KIF27: variants seen among roughly 807,000 people sequenced by gnomAD.
KIF27 encodes kinesin-like protein KIF27.
In KIF27, 84 loss-of-function variants were observed where a neutral mutation model predicts 141.8. The ratio of observed to expected loss-of-function variants is 0.59; its 90% confidence interval spans 0.50 to 0.71. KIF27 has a LOEUF of 0.71. Ranked by LOEUF, KIF27 falls within the 30% of genes least tolerant of loss-of-function variation. The pLI, the probability that KIF27 is intolerant of heterozygous loss-of-function variation, is 0.00. For synonymous variants in KIF27, 471 were observed against 569.5 expected, an observed-to-expected ratio of 0.83 and a Z score of 2.46; for missense variants, 1,306 against 1,628.4, an observed-to-expected ratio of 0.80 and a Z score of 3.41.
intron 11 of KIF27, among the ~76,000 whole-genome samples, chr9:83,875,072 T>C (rs960546842): frequency 3.3e-5 from 5 of 152,120 alleles, no homozygotes; most frequent in Non-Finnish European, 7.4e-5. Flanking sequence ...GAGAGTGCTA[T>C]GTCTTGCTGG....
chr9:83,907,736 A>G (rs983166712), intron 3 of KIF27, among the ~76,000 whole-genome samples: 1 of 152,222 alleles, frequency 6.6e-6, no homozygotes, highest in Non-Finnish European at 1.5e-5. Context: ...AAATCAAAGA[A>G]AAGAAAGGCA....
chr9:83,912,728 C>T (rs1474618222), intron 2 of KIF27, among the ~76,000 whole-genome samples: 2 of 152,026 alleles, frequency 1.3e-5, no homozygotes, highest in African/African-American at 4.8e-5. Flanking sequence ...AGTTTTATAC[C>T]TCAACAACTC....
At chr9:83,912,939 T>C (rs1414902315) in intron 2 of KIF27, among the ~76,000 whole-genome samples, 1 of 151,954 alleles carries the variant, frequency 6.6e-6, no homozygotes, top group African/African-American at 2.4e-5. Flanking sequence ...GGCGGATCAC[T>C]TGATCTCAGG....
intron 2 of KIF27, among the ~76,000 whole-genome samples, chr9:83,911,286 A>G (rs550845278): frequency 6.6e-6 from 1 of 152,222 alleles, no homozygotes; most frequent in African/African-American, 2.4e-5. Flanking sequence ...CCAGGAGTGC[A>G]GTGGTGCCAT....
At chr9:83,905,073 T>C (rs1360655856) in intron 3 of KIF27, among the ~76,000 whole-genome samples, 1 of 151,930 alleles carries the variant, frequency 6.6e-6, no homozygotes, top group Non-Finnish European at 1.5e-5. Context: ...GAACTAAAAA[T>C]AACCTACATT....
At chr9:83,874,011 C>T (rs919989016) in intron 11 of KIF27, among the ~76,000 whole-genome samples, 1 of 151,306 alleles carries the variant, frequency 6.6e-6, no homozygotes, top group Non-Finnish European at 1.5e-5. Context: ...GAGATCACAC[C>T]ACTGCACTCC....
chr9:83,861,636 C>G (rs150772024), intron 13 of KIF27, among the ~76,000 whole-genome samples: 1 of 151,890 alleles, frequency 6.6e-6, no homozygotes, highest in Non-Finnish European at 1.5e-5. Context: ...CCACAATAAA[C>G]ATATGTGTGC....
chr9:83,913,140 G>C (rs1350958723), intron 2 of KIF27, among the ~76,000 whole-genome samples: 7 of 152,080 alleles, frequency 4.6e-5, no homozygotes, highest in South Asian at 2.1e-4. Context: ...ACTCCAGCCA[G>C]GGTGACAGAC....
intron 9 of KIF27, among the ~76,000 whole-genome samples, chr9:83,885,035 G>T (rs1046561786): frequency 1.3e-5 from 2 of 152,144 alleles, no homozygotes; most frequent in Non-Finnish European, 2.9e-5. Context: ...GCAAACTCGT[G>T]GCAGTAGAAA....
chr9:83,904,147 A>C, intron 3 of KIF27, 129 bp from the exon 4 acceptor site: 1 of 618,978 alleles, frequency 1.6e-6, no homozygotes, highest in South Asian at 2.6e-5. Flanking sequence ...ATTTCAGATA[A>C]TAATAATAAC....
chr9:83,908,821 G>A (rs1189578418), intron 2 of KIF27, among the ~76,000 whole-genome samples, 169 bp from the exon 3 acceptor site: 4 of 151,592 alleles, frequency 2.6e-5, no homozygotes, highest in Admixed American at 6.6e-5. Context: ...GTGCAGTGGT[G>A]CAATCTCAGC....
chr9:83,866,830 C>T (rs538643031), intron 13 of KIF27, among the ~76,000 whole-genome samples: 13 of 151,642 alleles, frequency 8.6e-5, no homozygotes, highest in East Asian at 3.9e-4. Flanking sequence ...GAGCACAGAT[C>T]GCGCCACTGC....
At chr9:83,852,221 G>A (rs1193280617) in intron 15 of KIF27, among the ~76,000 whole-genome samples, 3 of 151,730 alleles carry the variant, frequency 2.0e-5, no homozygotes, top group Non-Finnish European at 4.4e-5. Flanking sequence ...CGAGGCAGGC[G>A]GATCATGAGG....
intron 3 of KIF27, among the ~76,000 whole-genome samples, chr9:83,907,662 C>A (rs973519785): frequency 2.0e-4 from 30 of 151,648 alleles, no homozygotes; most frequent in African/African-American, 6.8e-4. Context: ...ATGTCAATAT[C>A]AAAAAACAAA....
rs571248984 is a variant in KIF27, at chr9:83,901,894, A to G, written c.1458+1166T>C. Among the ~76,000 whole-genome samples the G allele has an allele frequency of 1.6e-4, 24 of 152,350 alleles. No homozygotes were observed. The South Asian group carries it at 5.0e-3, about 32-fold the overall frequency. The stretch of plus-strand genomic sequence containing the variant: ...CTCAAAAAAAAAAAATTGTTAGAGA[A>G]TATTTTTCATTAAAAATGCCCTTTA... On this transcript the variant is annotated intron_variant, in intron 4 of 17. Transcript: ENST00000297814.
At chr9:83,908,382 G>A (rs1954786339) in intron 3 of KIF27, 70 bp downstream of exon 3, 1 of 817,114 alleles carries the variant, frequency 1.2e-6, no homozygotes, top group Admixed American at 2.7e-5. Context: ...AATATATCCA[G>A]AAACTTAATT....
rs566128018 is a variant in KIF27 at position 83,867,802 on chromosome 9, C to T, written c.2816G>A (p.Arg939His). Residue 939 changes from arginine to histidine, a missense_variant, in exon 13 of 18, where the codon CGC becomes CAC. By Grantham distance (29) the Arg-to-His change is conservative. Transcript: ENST00000297814. ...DEEVEKVLNQ[R>H]QELEELEADL... ...TGCTTCCAGCTCCTCTAATTCTTGG[C>T]GTTGGTTCAGAACTTTCTCTACTTC... 30 of 1,613,330 alleles carry T rather than the reference C, an allele frequency of 1.9e-5. No individual in the cohort carries two copies. In the East Asian group the frequency reaches 2.2e-4, roughly 12 times the overall value.
At chr9:83,871,106 G>A (rs1950754793) in intron 11 of KIF27, among the ~76,000 whole-genome samples, 1 of 151,810 alleles carries the variant, frequency 6.6e-6, no homozygotes, top group Non-Finnish European at 1.5e-5. Flanking sequence ...TGTAGAGATG[G>A]GGTCTTGTTA....
At chr9:83,853,129 G>T (rs1948800009) in intron 15 of KIF27, among the ~76,000 whole-genome samples, 1 of 152,118 alleles carries the variant, frequency 6.6e-6, no homozygotes. Context: ...CATTTTAATT[G>T]ATTTAAGCAC....
Sources: allele counts gnomAD v4.1 joint callset (sites outside exome capture counted in the v4.1 genomes callset), GRCh38; gene constraint gnomAD v4.1.1; transcripts MANE v1.5; gene names NCBI Gene and HGNC (gene_info 2026-07-23, HGNC 2026-07-21).